SHISA9: variants seen among roughly 807,000 people sequenced by gnomAD.
The protein encoded by SHISA9 is protein shisa-9.
SHISA9 carries 13 observed loss-of-function variants against 38.0 expected under a neutral mutation model. The observed-to-expected ratio is 0.34, with a 90% CI of 0.22 to 0.54. SHISA9 has a LOEUF of 0.54. SHISA9 is among the 20% of genes least tolerant of loss of function. The pLI is 0.91. For missense variants in SHISA9, 538 were observed against 575.8 expected (o/e 0.93, Z 0.67); for synonymous variants, 275 against 242.0 (o/e 1.14, Z -1.27).
intron 2 of SHISA9, among the ~76,000 whole-genome samples, chr16:12,919,706 G>T (rs956464039): frequency 1.3e-5 from 2 of 152,088 alleles, no homozygotes; most frequent in Non-Finnish European, 2.9e-5. Context: ...ATTTTCTGGG[G>T]TTGATTTTTC....
At chr16:13,384,783 C>T in the SHISA9 span, among the ~76,000 whole-genome samples, 2 of 152,270 alleles carry the variant, frequency 1.3e-5, no homozygotes, top group Admixed American at 1.3e-4. Context: ...TATTTAAATA[C>T]ATTTGGCATG....
chr16:13,130,936 T>A (rs139763190), intron 2 of SHISA9, among the ~76,000 whole-genome samples: 267 of 152,284 alleles, frequency 1.8e-3, no homozygotes, highest in African/African-American at 6.1e-3. Flanking sequence ...CCAGTCAGAA[T>A]GGGGATTATT....
At chr16:12,998,521 A>G (rs1269613656) in intron 2 of SHISA9, among the ~76,000 whole-genome samples, 6 of 152,126 alleles carry the variant, frequency 3.9e-5, no homozygotes. Context: ...TGCTAAATAA[A>G]TCACTTATTC....
At chr16:12,979,970 C>A (rs1054073908) in intron 2 of SHISA9, among the ~76,000 whole-genome samples, 1 of 152,074 alleles carries the variant, frequency 6.6e-6, no homozygotes, top group African/African-American at 2.4e-5. Context: ...ATATTAAATG[C>A]AGAGTCTTTT....
intron 2 of SHISA9, among the ~76,000 whole-genome samples, chr16:13,049,156 A>ATGTGTGTGTGTGTGTGTGTG (rs10526925): frequency 1.6e-5 from 1 of 63,958 alleles, no homozygotes; most frequent in Admixed American, 1.3e-4. Flanking sequence ...GGTTAGGAGT[A>ATGTGTGTGTGTGTGTGTGTG]TGTGTGTGTG....
At chr16:13,139,474 C>A (rs1354159860) in intron 2 of SHISA9, among the ~76,000 whole-genome samples, 1 of 148,264 alleles carries the variant, frequency 6.7e-6, no homozygotes, top group African/African-American at 2.5e-5. Flanking sequence ...CTCTCTCTTC[C>A]TTCCTTCCTG....
chr16:13,096,698 T>C (rs980720582), intron 2 of SHISA9, among the ~76,000 whole-genome samples: 1 of 152,224 alleles, frequency 6.6e-6, no homozygotes, highest in Non-Finnish European at 1.5e-5. Flanking sequence ...CTTGGAAGTT[T>C]AATTCATTGA....
intron 2 of SHISA9, among the ~76,000 whole-genome samples, chr16:13,137,503 T>C (rs987143034): frequency 3.3e-5 from 5 of 151,974 alleles, no homozygotes; most frequent in African/African-American, 1.2e-4. Context: ...GTTACCAGGC[T>C]GGAGTGCAGT....
At chr16:12,953,877 T>G (rs56282046) in intron 2 of SHISA9, among the ~76,000 whole-genome samples, 1 of 151,770 alleles carries the variant, frequency 6.6e-6, no homozygotes, top group Non-Finnish European at 1.5e-5. Context: ...AGAGAAAGAG[T>G]GAGCTAGGAA....
chr16:13,474,310 G>C, the SHISA9 span: 1 of 152,166 alleles, frequency 6.6e-6, no homozygotes, highest in Non-Finnish European at 1.5e-5. Context: ...CAGTGGTTTT[G>C]ACAGAATTGA....
At chr16:13,035,633 T>C (rs933854230) in intron 2 of SHISA9, among the ~76,000 whole-genome samples, 3 of 151,960 alleles carry the variant, frequency 2.0e-5, no homozygotes, top group Non-Finnish European at 2.9e-5. Context: ...CAGGTTCAAG[T>C]GATTCTCCTG....
At chr16:13,277,265 T>C in the SHISA9 span, among the ~76,000 whole-genome samples, 2 of 152,114 alleles carry the variant, frequency 1.3e-5, no homozygotes, top group African/African-American at 4.8e-5. Flanking sequence ...TTCTGTTCCA[T>C]TGGTCTATGT....
chr16:12,905,492 A>C (rs1237126535), intron 1 of SHISA9, among the ~76,000 whole-genome samples: 1 of 152,144 alleles, frequency 6.6e-6, no homozygotes. Context: ...ACACTTGGGG[A>C]AACATTGGTC....
chr16:13,278,548 G>C, the SHISA9 span, among the ~76,000 whole-genome samples: 1 of 151,926 alleles, frequency 6.6e-6, no homozygotes, highest in African/African-American at 2.4e-5. Context: ...TCTGGTCCCG[G>C]AGTTTTTTTG....
chr16:13,440,245 T>G, the SHISA9 span, among the ~76,000 whole-genome samples: 1 of 152,196 alleles, frequency 6.6e-6, no homozygotes, highest in East Asian at 1.9e-4. Flanking sequence ...GCCTCTCCCA[T>G]TTGTATACCC....
chr16:13,222,774 C>T (rs12930638), intron 4 of SHISA9, among the ~76,000 whole-genome samples: 16,200 of 151,404 alleles, frequency 0.11, 948 homozygotes, highest in Middle Eastern at 0.2. Flanking sequence ...CACTGCACTC[C>T]ACAAGGTGTG....
At chr16:12,916,594 C>T in intron 1 of SHISA9, 94 bp from the exon 2 acceptor site, 1 of 1,412,084 alleles carries the variant, frequency 7.1e-7, no homozygotes, top group Non-Finnish European at 9.4e-7. Context: ...GAGTAATCCG[C>T]CTTGCCATTT....
the SHISA9 span, among the ~76,000 whole-genome samples, chr16:13,316,472 T>C: frequency 1.3e-5 from 2 of 152,186 alleles, no homozygotes; most frequent in Non-Finnish European, 2.9e-5. Context: ...GGGATCTACT[T>C]TGAGCCCACA....
chr16:13,453,265 C>T, the SHISA9 span, among the ~76,000 whole-genome samples: 1 of 152,230 alleles, frequency 6.6e-6, no homozygotes. Flanking sequence ...GTCCCAGGCT[C>T]CTTATTGCAA....
Sources: allele counts gnomAD v4.1 joint callset (sites outside exome capture counted in the v4.1 genomes callset), GRCh38; gene constraint gnomAD v4.1.1; transcripts MANE v1.5; gene names NCBI Gene and HGNC (gene_info 2026-07-23, HGNC 2026-07-21).